Variants in LY96 observed in about 807,000 individuals in gnomAD.
LY96 encodes lymphocyte antigen 96.
LY96 carries 18 observed loss-of-function variants against 18.9 expected under a neutral mutation model. That is an observed-to-expected ratio of 0.95 (90% CI 0.66 to 1.41). The LOEUF (loss-of-function observed/expected upper bound fraction) is 1.41. Among genes scored for constraint, LY96 ranks in the 40% most tolerant of loss-of-function variants. LY96 has a pLI of 0.00. For synonymous variants in LY96, 66 were observed against 62.6 expected (o/e 1.06, Z -0.26); for missense variants, 175 against 182.4 (o/e 0.96, Z 0.23).
the LY96 span, among the ~76,000 whole-genome samples, chr8:74,099,078 C>T: frequency 6.6e-6 from 1 of 152,146 alleles, no homozygotes; most frequent in South Asian, 2.1e-4. Context: ...TTTTATTTGG[C>T]TCTAAATAAT....
At chr8:74,089,203 C>T in the LY96 span, among the ~76,000 whole-genome samples, 3 of 152,212 alleles carry the variant, frequency 2.0e-5, no homozygotes, top group African/African-American at 2.4e-5. Context: ...AAGGGCCATG[C>T]CCTGTGAGAA....
chr8:74,086,101 T>G, the LY96 span, among the ~76,000 whole-genome samples: 1 of 152,128 alleles, frequency 6.6e-6, no homozygotes, highest in Non-Finnish European at 1.5e-5. Context: ...TGGGTTCAAC[T>G]TTTTTAGATC....
the LY96 span, among the ~76,000 whole-genome samples, chr8:74,041,614 C>T: frequency 6.6e-6 from 1 of 152,094 alleles, no homozygotes; most frequent in Non-Finnish European, 1.5e-5. Context: ...TATAAACGGC[C>T]GCTCTGGGAG....
At chr8:74,067,781 A>T in the LY96 span, among the ~76,000 whole-genome samples, 17 of 152,082 alleles carry the variant, frequency 1.1e-4, no homozygotes, top group African/African-American at 3.6e-4. Context: ...ACATTTCCAG[A>T]CCGGGCGCAG....
chr8:74,014,812 T>TACAC (rs111566455), intron 3 of LY96, among the ~76,000 whole-genome samples: 13,164 of 144,594 alleles, frequency 0.091, 626 homozygotes, highest in Admixed American at 0.14. Flanking sequence ...CTCACCAGTT[T>TACAC]ACACACACAC....
rs1185797842 is a variant in LY96 at position 74,002,054 on chromosome 8, CCTTCCTTCCTTCCTTCCTTCCTTTCTTT to C, written c.113-2738_113-2711del. On this transcript the variant is annotated intron_variant, in intron 1 of 4. Coordinates refer to ENST00000284818, the MANE Select transcript of LY96 (RefSeq NM_015364.5). ...TCCTTCCTTCCTTCCTTCCTTCCTT[CCTTCCTTCCTTCCTTCCTTCCTTTCTTT>C]CTTTCTTTCTTTCTCTCTCTCTCTC... Among the ~76,000 whole-genome samples, 19 of 29,916 alleles carry C rather than the reference CCTTCCTTCCTTCCTTCCTTCCTTTCTTT, an allele frequency of 6.4e-4. 1 individual carries two copies. The highest frequency in any genetic ancestry group is 3.5e-3 in the African/African-American group (16 of 4,558). The allele number at this position is 29,916 out of a possible 152,430, so 19.6% of individuals were successfully genotyped here.
At chr8:74,038,262 G>A in the LY96 span, among the ~76,000 whole-genome samples, 1 of 151,956 alleles carries the variant, frequency 6.6e-6, no homozygotes, top group Non-Finnish European at 1.5e-5. Flanking sequence ...TAGTCACTCT[G>A]CTGTGCTACC....
intron 1 of LY96, among the ~76,000 whole-genome samples, chr8:73,993,124 G>A (rs942255549): frequency 1.3e-5 from 2 of 151,762 alleles, no homozygotes; most frequent in Non-Finnish European, 2.9e-5. Flanking sequence ...GCCTCCCAAA[G>A]TGCTGGGATT....
At chr8:74,080,984 C>CTTTCTTTCTT in the LY96 span, among the ~76,000 whole-genome samples, 1 of 105,238 alleles carries the variant, frequency 9.5e-6, no homozygotes. Flanking sequence ...TTCTTTCTCT[C>CTTTCTTTCTT]TCTTTCTTTC....
At position 74,009,910 on chromosome 8, in the gene LY96, C is replaced by T. The variant is rs943631939; in HGVS notation, c.203-91C>T. ...TAAATGAAATAATGTAAGAAAAGCA[C>T]AGGGCCCCTTTTAACTATACAATAA... On this transcript the variant is annotated intron_variant, in intron 2 of 4. Transcript: ENST00000284818. 6.8e-6 allele frequency: 6 copies of T among 888,604 alleles called. No individual in the cohort carries two copies. In the Admixed American group the frequency reaches 9.3e-5, roughly 14 times the overall value. The allele number at this position is 888,604 out of a possible 1,614,324, so 55.0% of individuals were successfully genotyped here.
intron 3 of LY96, among the ~76,000 whole-genome samples, chr8:74,017,101 CGCTGA>C (rs1006170305): frequency 1.1e-4 from 17 of 152,296 alleles, no homozygotes; most frequent in Non-Finnish European, 1.9e-4. Flanking sequence ...TAACAAACTT[CGCTGA>C]GCTAAAGGAG....
chr8:74,091,557 G>A, the LY96 span, among the ~76,000 whole-genome samples: 1 of 152,148 alleles, frequency 6.6e-6, no homozygotes, highest in African/African-American at 2.4e-5. Context: ...ATTCTTTCAT[G>A]GTGTTAATGA....
intron 1 of LY96, among the ~76,000 whole-genome samples, chr8:74,000,534 G>A (rs912528576): frequency 2.6e-5 from 4 of 151,998 alleles, no homozygotes; most frequent in Non-Finnish European, 5.9e-5. Flanking sequence ...TTCTGAGCCC[G>A]CATCAGAATT....
chr8:74,084,403 A>G, the LY96 span, among the ~76,000 whole-genome samples: 2 of 152,132 alleles, frequency 1.3e-5, no homozygotes, highest in African/African-American at 4.8e-5. Flanking sequence ...TGGAAGAGAA[A>G]CTTCTCTTAT....
chr8:74,046,197 T>C, the LY96 span, among the ~76,000 whole-genome samples: 2 of 152,140 alleles, frequency 1.3e-5, no homozygotes, highest in African/African-American at 4.8e-5. Flanking sequence ...AAGAATCACT[T>C]AAACCCGGGA....
chr8:74,068,524 T>C, the LY96 span, among the ~76,000 whole-genome samples: 3 of 152,212 alleles, frequency 2.0e-5, no homozygotes, highest in African/African-American at 7.2e-5. Flanking sequence ...TATTTAACTC[T>C]GGTAAATTTT....
In LY96 at chr8:73,996,372, C is replaced by CTTTCTTTCTTT. The variant is rs756373007; in HGVS notation, c.112+4818_112+4819insTTTCTTTCTTT. Reference sequence around the variant, plus strand: ...TCCTTCCTTCCTTCCTTCCTTCATTCCTTTCTTTCTTTCTTTCTTTCTTTC... The same window carrying CTTTCTTTCTTT: ...TCCTTCCTTCCTTCCTTCCTTCATTCTTTCTTTCTTTCTTTCTTTCTTTCTTTCTTTCTTTC... On this transcript the variant is annotated intron_variant, in intron 1 of 4. Transcript: ENST00000284818. Among the ~76,000 whole-genome samples, 164 of 110,988 alleles carry CTTTCTTTCTTT rather than the reference C, an allele frequency of 1.5e-3. 3 individuals carry two copies. The highest frequency in any genetic ancestry group is 1.9e-3 in the Non-Finnish European group (102 of 53,442). The allele number at this position is 110,988 out of a possible 152,430, so 72.8% of individuals were successfully genotyped here.
chr8:74,087,857 A>G, the LY96 span, among the ~76,000 whole-genome samples: 22 of 152,284 alleles, frequency 1.4e-4, no homozygotes, highest in Middle Eastern at 3.4e-3. Flanking sequence ...GGGCTCAACC[A>G]TCTCTCTTCT....
the LY96 span, among the ~76,000 whole-genome samples, chr8:74,063,458 A>G: frequency 2.0e-5 from 3 of 152,110 alleles, no homozygotes; most frequent in African/African-American, 4.8e-5. Context: ...TTTAAAAAAA[A>G]TTTGTCCTGT....
Sources: gnomAD v4.1 joint callset for allele counts (sites outside exome capture counted in the v4.1 genomes callset) on GRCh38, gnomAD v4.1.1 for gene constraint, MANE v1.5 for transcripts, NCBI Gene and HGNC (gene_info 2026-07-23, HGNC 2026-07-21) for gene names.